The following MYOCD variants were observed in gnomAD, a reference collection of about 807,000 sequenced individuals.
The protein encoded by MYOCD is myocardin.
A neutral mutation model predicts 96.1 loss-of-function variants in MYOCD; 32 were observed. That is an observed-to-expected ratio of 0.33 (90% confidence interval 0.25 to 0.45). MYOCD has a LOEUF of 0.45. Among genes scored for constraint, MYOCD ranks in the 20% least tolerant of loss-of-function variants. MYOCD has a pLI of 1.00. For synonymous variants in MYOCD, 469 were observed against 469.0 expected (o/e 1.00, Z 0.00); for missense variants, 1,133 against 1,200.6 (o/e 0.94, Z 0.83).
intron 8 of MYOCD, among the ~76,000 whole-genome samples, chr17:12,744,689 A>C (rs1344382150): frequency 1.3e-5 from 2 of 152,232 alleles, no homozygotes; most frequent in Non-Finnish European, 2.9e-5. Flanking sequence ...CTGAAACCTC[A>C]GAGAGTACTG....
At chr17:12,715,497 C>G (rs770370072) in intron 2 of MYOCD, 22 bp from the exon 3 acceptor site, 1 of 1,611,694 alleles carries the variant, frequency 6.2e-7, no homozygotes, top group East Asian at 2.2e-5. Flanking sequence ...CCTCCACTCA[C>G]GTTTTTGTGT....
At chr17:12,675,346 C>A (rs1290855401) in intron 1 of MYOCD, among the ~76,000 whole-genome samples, 3 of 151,898 alleles carry the variant, frequency 2.0e-5, no homozygotes, top group African/African-American at 7.3e-5. Flanking sequence ...TAATGCCTAA[C>A]CTAAAAAAGA....
intron 4 of MYOCD, among the ~76,000 whole-genome samples, chr17:12,721,248 C>T (rs1364547717): frequency 1.3e-5 from 2 of 152,100 alleles, no homozygotes; most frequent in Non-Finnish European, 2.9e-5. Flanking sequence ...AATTGCATGT[C>T]TCTGGTGCCT....
intron 1 of MYOCD, among the ~76,000 whole-genome samples, chr17:12,689,735 G>A (rs141757033): frequency 6.6e-6 from 1 of 152,270 alleles, no homozygotes. Flanking sequence ...GGAGGCTGAG[G>A]CAGGAGAATC....
intron 7 of MYOCD, among the ~76,000 whole-genome samples, chr17:12,742,446 G>A (rs2032539166): frequency 6.6e-6 from 1 of 152,064 alleles, no homozygotes; most frequent in Non-Finnish European, 1.5e-5. Flanking sequence ...CTGTTCAGGA[G>A]CCCCCTCTTC....
chr17:12,726,122 A>G (rs2031991930), intron 5 of MYOCD, among the ~76,000 whole-genome samples: 1 of 152,302 alleles, frequency 6.6e-6, no homozygotes, highest in Middle Eastern at 3.4e-3. Context: ...CAGCTTAACA[A>G]GAAAGGTGTA....
chr17:12,708,033 G>A (rs1256215704), intron 2 of MYOCD, among the ~76,000 whole-genome samples: 3 of 152,040 alleles, frequency 2.0e-5, no homozygotes, highest in Non-Finnish European at 4.4e-5. Flanking sequence ...CCCAATTACT[G>A]GGCCTCTCCT....
At chr17:12,715,495 C>T in intron 2 of MYOCD, 24 bp from the exon 3 acceptor site, 9 of 1,611,136 alleles carry the variant, frequency 5.6e-6, no homozygotes, top group Non-Finnish European at 7.6e-6. Context: ...AGCCTCCACT[C>T]ACGTTTTTGT....
intron 7 of MYOCD, among the ~76,000 whole-genome samples, chr17:12,742,333 G>A (rs1482566831): frequency 1.3e-5 from 2 of 152,118 alleles, no homozygotes; most frequent in Non-Finnish European, 2.9e-5. Flanking sequence ...GGTGCATTGC[G>A]CTGAGTCCAA....
chr17:12,701,100 T>C (rs1044713642), intron 1 of MYOCD, among the ~76,000 whole-genome samples: 5 of 152,352 alleles, frequency 3.3e-5, no homozygotes, highest in African/African-American at 7.2e-5. Flanking sequence ...CTAGAATATA[T>C]GGTTATAACA....
intron 1 of MYOCD, among the ~76,000 whole-genome samples, chr17:12,685,999 A>G (rs918483678): frequency 1.3e-5 from 2 of 152,242 alleles, no homozygotes; most frequent in African/African-American, 4.8e-5. Context: ...TTCCCTCTAA[A>G]GGGTCACTTT....
At chr17:12,725,616 A>G (rs2150693068) in intron 5 of MYOCD, among the ~76,000 whole-genome samples, 1 of 149,660 alleles carries the variant, frequency 6.7e-6, no homozygotes, top group Non-Finnish European at 1.5e-5. Flanking sequence ...ATAGTGGAAT[A>G]CTATTGTTAT....
intron 1 of MYOCD, among the ~76,000 whole-genome samples, chr17:12,671,332 C>A (rs187038386): frequency 6.6e-6 from 1 of 152,162 alleles, no homozygotes; most frequent in African/African-American, 2.4e-5. Flanking sequence ...GTTAGATGTG[C>A]GTTTGTGTGT....
intron 5 of MYOCD, among the ~76,000 whole-genome samples, chr17:12,728,301 C>T (rs1470925116): frequency 1.3e-5 from 2 of 152,114 alleles, no homozygotes; most frequent in Non-Finnish European, 2.9e-5. Flanking sequence ...CCACGAAAGT[C>T]GTATATTGTC....
chr17:12,735,554 A>T (rs895056658), intron 5 of MYOCD, among the ~76,000 whole-genome samples: 3 of 152,208 alleles, frequency 2.0e-5, no homozygotes, highest in African/African-American at 7.2e-5. Context: ...TCTGAGACAC[A>T]TTTATGGCTT....
At chr17:12,723,786 T>G (rs1282767794) in intron 5 of MYOCD, among the ~76,000 whole-genome samples, 1 of 152,204 alleles carries the variant, frequency 6.6e-6, no homozygotes, top group Admixed American at 6.5e-5. Context: ...CAATCCGCTC[T>G]GAGAACTATT....
intron 10 of MYOCD, among the ~76,000 whole-genome samples, chr17:12,755,658 G>C (rs1331294202): frequency 6.6e-6 from 1 of 152,184 alleles, no homozygotes; most frequent in Non-Finnish European, 1.5e-5. Context: ...TGGATCACGA[G>C]GTCAGGAGAT....
At chr17:12,675,659 C>G (rs1909979746) in intron 1 of MYOCD, among the ~76,000 whole-genome samples, 1 of 152,166 alleles carries the variant, frequency 6.6e-6, no homozygotes, top group Admixed American at 6.5e-5. Flanking sequence ...GGGATCGAGA[C>G]CATCCTGGCT....
intron 5 of MYOCD, among the ~76,000 whole-genome samples, chr17:12,724,961 T>C (rs538037397): frequency 4.6e-5 from 7 of 152,138 alleles, no homozygotes; most frequent in Non-Finnish European, 8.8e-5. Context: ...TGTTAATTTA[T>C]GGTGAATTCA....
Sources: allele counts gnomAD v4.1 joint callset (sites outside exome capture counted in the v4.1 genomes callset), GRCh38; gene constraint gnomAD v4.1.1; transcripts MANE v1.5; gene names NCBI Gene and HGNC (gene_info 2026-07-23, HGNC 2026-07-21).